The following MROH2B variants were observed in gnomAD, a reference collection of about 807,000 sequenced individuals.
The protein encoded by MROH2B is maestro heat-like repeat-containing protein family member 2B.
MROH2B carries 177 observed loss-of-function variants against 208.6 expected under a neutral mutation model. That is an observed-to-expected ratio of 0.85 (90% CI 0.75 to 0.96). MROH2B has a LOEUF of 0.96. Among genes scored for constraint, MROH2B ranks in the 40% least tolerant of loss-of-function variants. The pLI is 0.00. For synonymous variants in MROH2B, 728 were observed against 659.0 expected, an observed-to-expected ratio of 1.10 and a Z score of -1.60; for missense variants, 2,002 against 1,878.7, an observed-to-expected ratio of 1.07 and a Z score of -1.21.
intron 30 of MROH2B, among the ~76,000 whole-genome samples, chr5:41,011,789 T>C (rs1483955009): frequency 6.6e-6 from 1 of 152,022 alleles, no homozygotes; most frequent in African/African-American, 2.4e-5. Flanking sequence ...TGCCTCAGCC[T>C]CCCAAGTAGC....
chr5:41,056,085 C>T (rs367657226), intron 9 of MROH2B, among the ~76,000 whole-genome samples: 1 of 152,090 alleles, frequency 6.6e-6, no homozygotes, highest in Non-Finnish European at 1.5e-5. Context: ...TGAATGTGGC[C>T]TTATTTAAAA....
intron 18 of MROH2B, among the ~76,000 whole-genome samples, chr5:41,042,741 A>T (rs990451269): frequency 1.3e-5 from 2 of 152,076 alleles, no homozygotes; most frequent in Non-Finnish European, 2.9e-5. Flanking sequence ...AGTAGCTGGG[A>T]TTACAGGTGT....
At chr5:41,033,011 G>A in intron 23 of MROH2B, 30 bp downstream of exon 23, 1 of 1,611,774 alleles carries the variant, frequency 6.2e-7, no homozygotes, top group Admixed American at 1.7e-5. Context: ...AATACTCAGG[G>A]CCTTTCTTAT....
At position 41,068,764 on chromosome 5, in the gene MROH2B, G is replaced by A. The variant is rs1442158533; in HGVS notation, c.90+927C>T. The stretch of plus-strand genomic sequence containing the variant: ...TTGAGAAATAGTGTTCTTTCGGAAA[G>A]GTGACTTCTACTGAGAGATTAATGT... On this transcript the variant is annotated intron_variant, in intron 2 of 41. Coordinates refer to ENST00000399564, the MANE Select transcript of MROH2B (RefSeq NM_173489.5). Among the ~76,000 whole-genome samples, 6 of 152,276 alleles carry A rather than the reference G, an allele frequency of 3.9e-5. 1 individual carries two copies. The South Asian group carries it at 8.3e-4, about 21-fold the overall frequency.
chr5:41,049,457 T>G, intron 13 of MROH2B, 21 bp from the exon 14 acceptor site: 1 of 1,598,374 alleles, frequency 6.3e-7, no homozygotes, highest in South Asian at 1.1e-5. Context: ...CAGGGCATGA[T>G]GCAAGGATTG....
chr5:41,005,568 T>C lies in MROH2B; in HGVS notation c.3827A>G (p.Glu1276Gly), dbSNP rs1202758868. ...QLLSSLTSSS[E>G]NYRITGAAFF... Reference sequence around the variant, plus strand: ...AGCTGCGCCGGTTATCCGGTAGTTCTCCGAGGAGGAGGTAAGAGATGAGAG... The same window carrying C: ...AGCTGCGCCGGTTATCCGGTAGTTCCCCGAGGAGGAGGTAAGAGATGAGAG... The change falls in exon 35 of 42, where the codon GAG becomes GGG. Residue 1276 changes from glutamate to glycine, a missense_variant. Transcript: ENST00000399564. 6.2e-7 allele frequency: 1 copy of C among 1,609,742 alleles called. No individual in the cohort carries two copies. The highest frequency in any genetic ancestry group is 8.5e-7 in the Non-Finnish European group (1 of 1,178,110).
chr5:41,032,523 A>G lies in MROH2B; in HGVS notation c.2441+219T>C, dbSNP rs325830. Among the ~76,000 whole-genome samples, 74 of 152,150 alleles carry G rather than the reference A, an allele frequency of 4.9e-4. No homozygotes were observed. The East Asian group carries it at 0.012, about 24-fold the overall frequency. On this transcript the variant is annotated intron_variant, in intron 24 of 41. Transcript: ENST00000399564. ...TATATTAATACATATAATTCCTCTG[A>G]GTAGCTCTTCAGTCTCTGTCAGTCA...
chr5:40,998,581 T>C (rs1415978689), intron 41 of MROH2B, 31 bp downstream of exon 41: 1 of 1,539,380 alleles, frequency 6.5e-7, no homozygotes. Flanking sequence ...AATGTAACAA[T>C]ATGCTGGGAA....
chr5:41,048,263 G>T, intron 16 of MROH2B, 61 bp downstream of exon 16: 1 of 1,506,008 alleles, frequency 6.6e-7, no homozygotes, highest in Non-Finnish European at 8.8e-7. Context: ...ACAGAGAAAC[G>T]GTGCATTATT....
rs1229782632 is a variant in MROH2B at position 41,064,563 on chromosome 5, C to G, written c.369G>C (p.Gln123His). The G allele has an allele frequency of 6.2e-7, 1 of 1,611,530 alleles. No homozygotes were observed. The highest frequency in any genetic ancestry group is 1.7e-5 in the Admixed American group (1 of 59,880). Residue 123 changes from glutamine to histidine, a missense_variant, in exon 5 of 42, where the codon CAG becomes CAC. Gln to His is a conservative substitution (Grantham distance 24, BLOSUM62 0). Transcript: ENST00000399564. ...LAELATSYVS[Q>H]SIPFMMMTLL... ...GGGTCATCATCATGAAAGGAATACTCTGGGACACTGGAGGGAGAGGCAGAA... is the reference window on the plus strand; with the variant it reads ...GGGTCATCATCATGAAAGGAATACTGTGGGACACTGGAGGGAGAGGCAGAA...
rs747589741 is a variant in MROH2B, at chr5:41,033,114, C to T, written c.2288G>A (p.Gly763Asp). Reference sequence around the variant, plus strand: ...ATCCTCAGCATCTTGGACAGCAATGCCAATCTCAGTGATGCTTCTTGTGAA... The same window carrying T: ...ATCCTCAGCATCTTGGACAGCAATGTCAATCTCAGTGATGCTTCTTGTGAA... ...MSFTRSITEIGIAVQDAEDQG... is the reference protein window; with the variant it reads ...MSFTRSITEIDIAVQDAEDQG... The change falls in exon 23 of 42, where the codon GGC becomes GAC. Residue 763 changes from glycine (G) to aspartate (D), a missense_variant. Transcript: ENST00000399564. 2.0e-5 allele frequency: 32 copies of T among 1,612,900 alleles called. No individual in the cohort carries two copies. The highest frequency in any genetic ancestry group is 2.6e-5 in the Non-Finnish European group (31 of 1,179,264).
In MROH2B at chr5:41,056,952, G is replaced by T. The variant is rs557459078; in HGVS notation, c.919+157C>A. The T allele has an allele frequency of 1.2e-4, 88 of 746,854 alleles. 1 individual carries two copies. The East Asian group carries it at 2.4e-3, about 20-fold the overall frequency. 46.3% of individuals were successfully genotyped at this position (746,854 alleles called of 1,614,324 possible). A position where few individuals can be genotyped will look rare whatever the true frequency, so the allele number is the denominator to read the frequency against. On this transcript the variant is annotated intron_variant, in intron 9 of 41. Coordinates refer to ENST00000399564, the MANE Select transcript of MROH2B (RefSeq NM_173489.5). The stretch of plus-strand genomic sequence containing the variant: ...CCTGCTCCTCCTGGGAACTTGTGGG[G>T]AGAGGGGCAGGCACAGAAAACTGTG...
chr5:41,042,849 C>T (rs1742997895), intron 18 of MROH2B, among the ~76,000 whole-genome samples: 1 of 152,204 alleles, frequency 6.6e-6, no homozygotes, highest in South Asian at 2.1e-4. Context: ...AAGGGATCTG[C>T]CTGCTTCAGC....
In MROH2B at chr5:41,045,877, A is replaced by T. The variant is rs767248747; in HGVS notation, c.1729-24T>A. On this transcript the variant is annotated intron_variant, in intron 17 of 41. Transcript: ENST00000399564. ...AACTGTTGTAGGAAGTGGAAGTTAG[A>T]TGTGAATATGACCGTTTCATGTGCT... 7 of 1,557,308 alleles carry T rather than the reference A, an allele frequency of 4.5e-6. No individual in the cohort carries two copies. In the African/African-American group the frequency reaches 6.8e-5, roughly 15 times the overall value.
intron 5 of MROH2B, among the ~76,000 whole-genome samples, chr5:41,062,866 A>G (rs1286960089): frequency 6.6e-6 from 1 of 151,988 alleles, no homozygotes; most frequent in Non-Finnish European, 1.5e-5. Flanking sequence ...ATGTGTGTAC[A>G]TGTGTGTATG....
intron 36 of MROH2B, 49 bp downstream of exon 36, chr5:41,004,725 T>C (rs142351970): frequency 1.3e-6 from 2 of 1,584,082 alleles, no homozygotes; most frequent in Non-Finnish European, 1.7e-6. Context: ...TAAATCATTA[T>C]TTCAAAACTC....
intron 30 of MROH2B, among the ~76,000 whole-genome samples, chr5:41,011,928 A>G (rs570115697): frequency 1.4e-4 from 21 of 152,318 alleles, no homozygotes; most frequent in Non-Finnish European, 2.5e-4. Flanking sequence ...TTGGCCTCCC[A>G]AAGTGCTGGG....
intron 13 of MROH2B, among the ~76,000 whole-genome samples, 152 bp from the exon 14 acceptor site, chr5:41,049,588 C>T (rs1743225860): frequency 6.6e-6 from 1 of 152,170 alleles, no homozygotes; most frequent in Admixed American, 6.5e-5. Flanking sequence ...TTAAAGGAAG[C>T]CTCTGCACAG....
chr5:41,027,305 TA>T (rs1220189402), intron 24 of MROH2B, among the ~76,000 whole-genome samples: 82 of 152,312 alleles, frequency 5.4e-4, no homozygotes, highest in African/African-American at 1.9e-3. Context: ...AAAGGGCTAA[TA>T]TCCAGAATCT....
Sources: allele counts gnomAD v4.1 joint callset (sites outside exome capture counted in the v4.1 genomes callset), GRCh38; gene constraint gnomAD v4.1.1; transcripts MANE v1.5; gene names NCBI Gene and HGNC (gene_info 2026-07-23, HGNC 2026-07-21).